The following PTPRT variants were observed in gnomAD, a reference collection of about 807,000 sequenced individuals.
The protein encoded by PTPRT is protein tyrosine phosphatase receptor type T.
In PTPRT, 56 loss-of-function variants were observed where a neutral mutation model predicts 176.8. The observed-to-expected ratio is 0.32, with a 90% CI of 0.26 to 0.40. The LOEUF (loss-of-function observed/expected upper bound fraction) is 0.40. Ranked by LOEUF, PTPRT falls within the 10% of genes least tolerant of loss-of-function variation. The pLI is 1.00. For synonymous variants in PTPRT, 783 were observed against 739.0 expected, an observed-to-expected ratio of 1.06 and a Z score of -0.96; for missense variants, 1,540 against 1,908.2, an observed-to-expected ratio of 0.81 and a Z score of 3.60.
chr20:42,374,353 T>A (rs2058625721), intron 9 of PTPRT, among the ~76,000 whole-genome samples: 1 of 152,228 alleles, frequency 6.6e-6, no homozygotes, highest in Admixed American at 6.5e-5. Flanking sequence ...TTATTAGAAG[T>A]AAATAGCTGT....
chr20:43,061,988 A>G (rs1987481387), intron 1 of PTPRT, among the ~76,000 whole-genome samples: 1 of 152,264 alleles, frequency 6.6e-6, no homozygotes, highest in Non-Finnish European at 1.5e-5. Flanking sequence ...GAGCAAAAGC[A>G]GATGAACACA....
At chr20:43,036,396 T>C (rs1986380793) in intron 1 of PTPRT, among the ~76,000 whole-genome samples, 2 of 152,162 alleles carry the variant, frequency 1.3e-5, no homozygotes, top group Non-Finnish European at 2.9e-5. Flanking sequence ...TATGCCCAGC[T>C]TTATTTTTAG....
At chr20:42,580,545 G>A (rs1322233619) in intron 7 of PTPRT, among the ~76,000 whole-genome samples, 1 of 149,942 alleles carries the variant, frequency 6.7e-6, no homozygotes, top group Admixed American at 6.7e-5. Flanking sequence ...AGCATGGAAT[G>A]TTCTTCCATT....
intron 6 of PTPRT, among the ~76,000 whole-genome samples, chr20:42,744,386 A>G (rs1359617561): frequency 6.6e-6 from 1 of 152,224 alleles, no homozygotes; most frequent in African/African-American, 2.4e-5. Flanking sequence ...AATCTTCAAA[A>G]ACAATCAATA....
Position 42,270,532 on chromosome 20 carries a change from C to T in PTPRT, c.2176+11957G>A, listed in dbSNP as rs554331614. 30 of 1,317,948 alleles carry T rather than the reference C, an allele frequency of 2.3e-5. No individual in the cohort carries two copies. The Admixed American group carries it at 3.0e-4, about 13-fold the overall frequency. 81.6% of individuals were successfully genotyped at this position (1,317,948 alleles called of 1,614,324 possible). A position where few individuals can be genotyped will look rare whatever the true frequency, so the allele number is the denominator to read the frequency against. On this transcript the variant is annotated intron_variant, in intron 13 of 30. Coordinates refer to ENST00000373187, the MANE Select transcript of PTPRT (RefSeq NM_007050.6). ...GAAACACACATGAAAACGTGCAGCA[C>T]GGTGAACAAAACTGCAATTCTTGTG... is the stretch of plus-strand genomic sequence containing the variant.
At chr20:42,176,141 C>T (rs1463211899) in intron 16 of PTPRT, among the ~76,000 whole-genome samples, 1 of 152,158 alleles carries the variant, frequency 6.6e-6, no homozygotes, top group Non-Finnish European at 1.5e-5. Context: ...CGTGTATCTC[C>T]AGAATCTAGT....
At chr20:42,483,634 G>A (rs1299130238) in intron 7 of PTPRT, among the ~76,000 whole-genome samples, 5 of 152,218 alleles carry the variant, frequency 3.3e-5, no homozygotes, top group Non-Finnish European at 7.3e-5. Flanking sequence ...AGGTCCTCCA[G>A]TCAGTTTGGG....
chr20:42,196,098 G>A (rs977683738), intron 16 of PTPRT, among the ~76,000 whole-genome samples: 4 of 152,232 alleles, frequency 2.6e-5, no homozygotes, highest in Non-Finnish European at 5.9e-5. Flanking sequence ...TGATTGTCAA[G>A]AAGTTTTGGC....
Position 42,900,260 on chromosome 20 carries a change from A to AG in PTPRT, c.89-14329dup, listed in dbSNP as rs148264374. Among the ~76,000 whole-genome samples, 3 of 152,174 alleles carry AG rather than the reference A, an allele frequency of 2.0e-5. No individual in the cohort carries two copies. The South Asian group carries it at 6.2e-4, about 31-fold the overall frequency. Reference sequence around the variant, plus strand: ...CAAGCTAAGTTATATTCACAGAGCCAGGGGGCTAAACCCAGGTCCTTCCCA... The same window carrying AG: ...CAAGCTAAGTTATATTCACAGAGCCAGGGGGGCTAAACCCAGGTCCTTCCCA... On this transcript the variant is annotated intron_variant, in intron 1 of 30. Coordinates refer to ENST00000373187, the MANE Select transcript of PTPRT (RefSeq NM_007050.6).
intron 27 of PTPRT, among the ~76,000 whole-genome samples, chr20:42,092,180 G>A (rs1211681348): frequency 6.6e-6 from 1 of 152,198 alleles, no homozygotes; most frequent in Non-Finnish European, 1.5e-5. Context: ...GCTAGTGAGA[G>A]CTGAGGAGGC....
chr20:42,736,168 GT>G (rs912975677), intron 6 of PTPRT, among the ~76,000 whole-genome samples: 7 of 152,164 alleles, frequency 4.6e-5, no homozygotes, highest in African/African-American at 1.7e-4. Flanking sequence ...ATGTAATATA[GT>G]TTACAATGGT....
intron 1 of PTPRT, among the ~76,000 whole-genome samples, chr20:42,929,637 G>C (rs1210992512): frequency 6.6e-6 from 1 of 152,230 alleles, no homozygotes; most frequent in African/African-American, 2.4e-5. Flanking sequence ...GAGAGATGGT[G>C]TTCAGACAAG....
intron 9 of PTPRT, among the ~76,000 whole-genome samples, chr20:42,353,960 G>T (rs2058323415): frequency 6.6e-6 from 1 of 152,038 alleles, no homozygotes; most frequent in African/African-American, 2.4e-5. Context: ...GGGCTGAGGT[G>T]GGAAGATGGC....
chr20:42,891,362 G>A (rs1255809044), intron 1 of PTPRT, among the ~76,000 whole-genome samples: 1 of 152,210 alleles, frequency 6.6e-6, no homozygotes, highest in Non-Finnish European at 1.5e-5. Flanking sequence ...CTCCCCAGAG[G>A]AGCTATTTCC....
chr20:42,600,975 C>G (rs901512437), intron 7 of PTPRT, among the ~76,000 whole-genome samples: 5 of 152,160 alleles, frequency 3.3e-5, no homozygotes, highest in African/African-American at 1.2e-4. Context: ...TTGGATCCCT[C>G]TGTCCTGAGT....
chr20:42,139,749 A>T (rs1196702905), intron 18 of PTPRT, among the ~76,000 whole-genome samples: 1 of 152,216 alleles, frequency 6.6e-6, no homozygotes, highest in African/African-American at 2.4e-5. Flanking sequence ...GTGACTATAT[A>T]TTTTAGGGTA....
chr20:43,121,592 G>A (rs569992923), intron 1 of PTPRT, among the ~76,000 whole-genome samples: 2 of 152,260 alleles, frequency 1.3e-5, no homozygotes, highest in East Asian at 1.9e-4. Context: ...CTGTGCATAT[G>A]CTTAGTGTCC....
chr20:42,348,013 C>T (rs2058220431), intron 11 of PTPRT, among the ~76,000 whole-genome samples: 1 of 152,208 alleles, frequency 6.6e-6, no homozygotes, highest in African/African-American at 2.4e-5. Context: ...TACTGTATCC[C>T]TATTGCTTAG....
chr20:42,959,291 G>C (rs1981850735), intron 1 of PTPRT, among the ~76,000 whole-genome samples: 1 of 152,128 alleles, frequency 6.6e-6, no homozygotes, highest in African/African-American at 2.4e-5. Flanking sequence ...TGCCATGTAA[G>C]TACTTGCTAA....
Sources: allele counts gnomAD v4.1 joint callset (sites outside exome capture counted in the v4.1 genomes callset), GRCh38; gene constraint gnomAD v4.1.1; transcripts MANE v1.5; gene names NCBI Gene and HGNC (gene_info 2026-07-23, HGNC 2026-07-21).